OCLN: variants seen among roughly 807,000 people sequenced by gnomAD.
The protein encoded by OCLN is occludin.
A neutral mutation model predicts 47.9 loss-of-function variants in OCLN; 21 were observed. The observed-to-expected ratio is 0.44, with a 90% CI of 0.31 to 0.63. OCLN has a LOEUF of 0.63. Ranked by LOEUF, OCLN falls within the 30% of genes least tolerant of loss-of-function variation. OCLN has a pLI of 0.08. For synonymous variants in OCLN, 117 were observed against 198.4 expected (o/e 0.59, Z 3.45); for missense variants, 360 against 571.0 (o/e 0.63, Z 3.77).
intron 1 of OCLN, among the ~76,000 whole-genome samples, chr5:69,500,376 T>G (rs1039835678): frequency 6.6e-6 from 1 of 151,536 alleles, no homozygotes. Context: ...TGGTGTGGCA[T>G]GACTTGTTCT....
chr5:69,507,797 G>C (rs1768649923), intron 2 of OCLN, among the ~76,000 whole-genome samples: 1 of 151,956 alleles, frequency 6.6e-6, no homozygotes, highest in South Asian at 2.1e-4. Flanking sequence ...GTAGAGATGG[G>C]GTTTCACCAG....
chr5:69,497,514 A>G (rs1768331541), intron 1 of OCLN, among the ~76,000 whole-genome samples: 1 of 151,584 alleles, frequency 6.6e-6, no homozygotes. Context: ...CAGCCTCCCA[A>G]GTAGCTGGGA....
chr5:69,507,066 A>G (rs1363415676), intron 2 of OCLN, among the ~76,000 whole-genome samples: 2 of 152,230 alleles, frequency 1.3e-5, no homozygotes, highest in Non-Finnish European at 2.9e-5. Flanking sequence ...GTCCTGACGT[A>G]TGATCATTAC....
chr5:69,502,104 C>A (rs1447916770), intron 1 of OCLN, among the ~76,000 whole-genome samples: 2 of 151,314 alleles, frequency 1.3e-5, no homozygotes, highest in African/African-American at 2.4e-5. Context: ...GAGGCTGAGG[C>A]AGGAGAATCG....
chr5:69,525,191 A>G (rs931893516), intron 4 of OCLN, among the ~76,000 whole-genome samples: 72 of 146,312 alleles, frequency 4.9e-4, no homozygotes, highest in Admixed American at 1.5e-3. Flanking sequence ...TGCGAGCTCC[A>G]CCTCCCGGGT....
At chr5:69,513,027 G>A (rs1416633377) in intron 3 of OCLN, among the ~76,000 whole-genome samples, 2 of 152,106 alleles carry the variant, frequency 1.3e-5, no homozygotes, top group African/African-American at 4.8e-5. Flanking sequence ...CACAGTGCTC[G>A]TTGTTGCCAT....
chr5:69,513,957 A>G lies in OCLN; in HGVS notation c.739A>G (p.Ile247Val). 6.2e-7 allele frequency: 1 copy of G among 1,613,720 alleles called. No homozygotes were observed. The highest frequency in any genetic ancestry group is 1.1e-5 in the South Asian group (1 of 91,084). ...TTCCACTCCTTTTTAGGCCATTGCC[A>G]TTGTACTGGGGTTCATGATTATTGT... ...CVVDPQEAIA[I>V]VLGFMIIVAF... is the part of the protein sequence containing the mutation. Residue 247 changes from isoleucine (I) to valine (V), a missense_variant, in exon 4 of 9, where the codon ATT (isoleucine) becomes GTT (valine). By Grantham distance (29) the Ile-to-Val change is conservative. Transcript: ENST00000396442.
intron 4 of OCLN, among the ~76,000 whole-genome samples, chr5:69,527,877 G>A (rs1769324464): frequency 6.6e-6 from 1 of 151,968 alleles, no homozygotes; most frequent in African/African-American, 2.4e-5. Context: ...TGGCCAAAAG[G>A]GGGTCTTCTC....
At chr5:69,495,725 AT>A (rs1768269544) in intron 1 of OCLN, among the ~76,000 whole-genome samples, 1 of 151,892 alleles carries the variant, frequency 6.6e-6, no homozygotes, top group African/African-American at 2.4e-5. Flanking sequence ...TGATACCTAT[AT>A]TTTAGGTATG....
intron 1 of OCLN, among the ~76,000 whole-genome samples, chr5:69,494,433 G>C (rs534138384): frequency 6.6e-6 from 1 of 152,204 alleles, no homozygotes. Context: ...TGATTCGCCC[G>C]CCTTGGCCTC....
intron 4 of OCLN, among the ~76,000 whole-genome samples, chr5:69,523,695 C>T (rs1349553557): frequency 6.6e-6 from 1 of 152,000 alleles, no homozygotes; most frequent in Non-Finnish European, 1.5e-5. Context: ...GTCACCACAC[C>T]CAGCTAATTT....
chr5:69,546,074 C>T, intron 6 of OCLN, among the ~76,000 whole-genome samples: 1 of 448 alleles, frequency 2.2e-3, no homozygotes, highest in East Asian at 0.016. Context: ...AATGATAAGA[C>T]GAGAGTTTCT....
chr5:69,507,165 C>T (rs1768629645), intron 2 of OCLN, among the ~76,000 whole-genome samples: 1 of 152,206 alleles, frequency 6.6e-6, no homozygotes, highest in Admixed American at 6.5e-5. Flanking sequence ...GACAGACTCT[C>T]ACTTTGTTGC....
At chr5:69,525,302 C>T (rs60039937) in intron 4 of OCLN, among the ~76,000 whole-genome samples, 29,480 of 151,532 alleles carry the variant, frequency 0.19, 3,973 homozygotes, top group African/African-American at 0.38. Flanking sequence ...GACGGGGTTT[C>T]GCCATGTTAG....
chr5:69,518,260 C>G (rs1280072836), intron 4 of OCLN, among the ~76,000 whole-genome samples: 1 of 152,162 alleles, frequency 6.6e-6, no homozygotes, highest in Non-Finnish European at 1.5e-5. Context: ...ATGTGGACTT[C>G]ATTGTTTCTC....
chr5:69,511,839 A>G (rs1383569628), intron 3 of OCLN, among the ~76,000 whole-genome samples: 1 of 152,102 alleles, frequency 6.6e-6, no homozygotes, highest in Non-Finnish European at 1.5e-5. Context: ...AGCCTGGCCA[A>G]CATGGTGAAA....
chr5:69,516,885 T>A lies in OCLN; in HGVS notation c.891+2776T>A, dbSNP rs187655449. On this transcript the variant is annotated intron_variant, in intron 4 of 8. Transcript: ENST00000396442. ...CAACCTAGGCAACATAATGGGACCC[T>A]GTCTCTACAAAAAATAAAAAAAAAA... Among the ~76,000 whole-genome samples the A allele has an allele frequency of 1.4e-3, 208 of 152,016 alleles. 1 individual carries two copies. The highest frequency in any genetic ancestry group is 2.2e-3 in the Non-Finnish European group (150 of 67,970).
At chr5:69,502,577 A>G (rs903685697) in intron 1 of OCLN, 2 of 152,210 alleles carry the variant, frequency 1.3e-5, no homozygotes, top group African/African-American at 4.8e-5. Flanking sequence ...CTTCCAGTAG[A>G]TCTCAAAGTT....
chr5:69,534,044 G>C (rs548212469), intron 4 of OCLN, among the ~76,000 whole-genome samples: 212 of 150,466 alleles, frequency 1.4e-3, no homozygotes, highest in African/African-American at 5.0e-3. Flanking sequence ...AGTGAAAAGG[G>C]AAGGCACTGA....
Sources: gnomAD v4.1 joint callset for allele counts (sites outside exome capture counted in the v4.1 genomes callset) on GRCh38, gnomAD v4.1.1 for gene constraint, MANE v1.5 for transcripts, NCBI Gene and HGNC (gene_info 2026-07-23, HGNC 2026-07-21) for gene names.